Variants in ATCAY observed in about 807,000 individuals in gnomAD.
ATCAY encodes ATCAY kinesin light chain interacting caytaxin.
In ATCAY, 22 loss-of-function variants were observed where a neutral mutation model predicts 47.7. That is an observed-to-expected ratio of 0.46 (90% CI 0.33 to 0.66). ATCAY has a LOEUF of 0.66. Among genes scored for constraint, ATCAY ranks in the 30% least tolerant of loss-of-function variants. ATCAY has a pLI of 0.02. For missense variants in ATCAY, 452 were observed against 515.0 expected (o/e 0.88, Z 1.18); for synonymous variants, 216 against 207.6 (o/e 1.04, Z -0.35).
At chr19:3,913,630 C>T (rs557589125) in intron 8 of ATCAY, 128 bp from the exon 9 acceptor site, 6 of 670,320 alleles carry the variant, frequency 9.0e-6, no homozygotes, top group South Asian at 3.5e-5. Flanking sequence ...GAGGTGTCGT[C>T]GTCTGCACTG....
At position 3,907,089 on chromosome 19, in the gene ATCAY, G is replaced by A. The variant is rs1303010583; in HGVS notation, c.359-645G>A. 4.7e-5 allele frequency among the ~76,000 whole-genome samples: 7 copies of A among 148,824 alleles called. No homozygotes were observed. The highest frequency in any genetic ancestry group is 8.9e-5 in the Non-Finnish European group (6 of 67,590). ...GCAGAGGCTGCAGTGAGCAGAGATC[G>A]CACCACTCCACTCCAGCCTGGGCGA... On this transcript the variant is annotated intron_variant, in intron 4 of 12. Coordinates refer to ENST00000450849, the MANE Select transcript of ATCAY (RefSeq NM_033064.5). This position sits in a 1 kb window ranked among gnomAD's most constrained non-coding sequence, Gnocchi z 5.1.
At chr19:3,909,905 A>G (rs960562449) in intron 7 of ATCAY, among the ~76,000 whole-genome samples, 3 of 152,146 alleles carry the variant, frequency 2.0e-5, no homozygotes, top group Non-Finnish European at 4.4e-5. Flanking sequence ...GCCAACATAT[A>G]GTGAAACCCC....
chr19:3,885,133 A>C (rs964804221), intron 1 of ATCAY, among the ~76,000 whole-genome samples: 6 of 150,510 alleles, frequency 4.0e-5, no homozygotes, highest in South Asian at 2.1e-4. Flanking sequence ...AAAAAAAAAA[A>C]AACAGCCAAG....
chr19:3,915,846 C>T (rs756748026), intron 9 of ATCAY, among the ~76,000 whole-genome samples: 3 of 151,720 alleles, frequency 2.0e-5, no homozygotes, highest in East Asian at 1.9e-4. Context: ...TGAGCCACCA[C>T]GCCTGGCCGA....
intron 2 of ATCAY, among the ~76,000 whole-genome samples, chr19:3,888,075 C>CA (rs2038679133): frequency 6.6e-6 from 1 of 150,776 alleles, no homozygotes; most frequent in Non-Finnish European, 1.5e-5. Flanking sequence ...AGATGTGCCA[C>CA]CGCACTCCAG....
At chr19:3,898,186 T>G (rs966436070) in intron 2 of ATCAY, among the ~76,000 whole-genome samples, 1 of 151,998 alleles carries the variant, frequency 6.6e-6, no homozygotes, top group African/African-American at 2.4e-5. Flanking sequence ...CTTTTTTTTT[T>G]CTTTTCTTTT....
intron 9 of ATCAY, 48 bp downstream of exon 9, chr19:3,913,904 T>G: frequency 6.5e-7 from 1 of 1,541,328 alleles, no homozygotes; most frequent in Non-Finnish European, 9.0e-7. Flanking sequence ...GTTTTCGTGC[T>G]GCTGATAAAG....
rs1187652145 is a variant in ATCAY at position 3,894,995 on chromosome 19, C to G, written c.78-7492C>G. The G allele has an allele frequency of 2.3e-5, 9 of 383,940 alleles. No homozygotes were observed. The East Asian group carries it at 6.5e-4, about 28-fold the overall frequency. 23.8% of individuals were successfully genotyped at this position (383,940 alleles called of 1,614,324 possible). ...AAGCTGCCTCCTCAATGAGGCCTTC[C>G]CTGACCACCCCACAGATTTTTTTCT... On this transcript the variant is annotated intron_variant, in intron 2 of 12. Transcript: ENST00000450849.
intron 2 of ATCAY, chr19:3,893,735 C>T (rs978031503): frequency 6.6e-6 from 1 of 152,266 alleles, no homozygotes; most frequent in African/African-American, 2.4e-5. Flanking sequence ...TGGAGCCCTG[C>T]CAGGTCGGCT....
At chr19:3,901,823 C>T (rs577117438) in intron 2 of ATCAY, among the ~76,000 whole-genome samples, 9 of 152,070 alleles carry the variant, frequency 5.9e-5, no homozygotes, top group Non-Finnish European at 8.8e-5. Context: ...GGTGAAACCC[C>T]GTCTCTACTA....
intron 4 of ATCAY, 59 bp downstream of exon 4, chr19:3,905,714 C>T (rs2038854544): frequency 7.5e-6 from 11 of 1,461,618 alleles, no homozygotes; most frequent in African/African-American, 4.2e-5. Flanking sequence ...CCCACCTTTC[C>T]GTCTCTGGAT....
chr19:3,883,153 A>C (rs1214017219), intron 1 of ATCAY, among the ~76,000 whole-genome samples: 1 of 151,974 alleles, frequency 6.6e-6, no homozygotes, highest in Admixed American at 6.6e-5. Context: ...AGGCAGGTGG[A>C]TCATGAGGTC....
At chr19:3,914,636 G>GA (rs748491766) in intron 9 of ATCAY, among the ~76,000 whole-genome samples, 8 of 151,912 alleles carry the variant, frequency 5.3e-5, no homozygotes, top group Non-Finnish European at 1.2e-4. Flanking sequence ...GCCTGGCCAA[G>GA]ATGGTGAAAC....
chr19:3,891,386 C>T (rs1008885909), intron 2 of ATCAY, among the ~76,000 whole-genome samples: 1 of 151,998 alleles, frequency 6.6e-6, no homozygotes, highest in African/African-American at 2.4e-5. Flanking sequence ...CACCCTTCTG[C>T]AGCCTACTAC....
At chr19:3,916,767 C>T (rs2038969839) in intron 9 of ATCAY, among the ~76,000 whole-genome samples, 1 of 151,654 alleles carries the variant, frequency 6.6e-6, no homozygotes, top group African/African-American at 2.4e-5. Context: ...CGTGAGCCAT[C>T]GCACCCAGCC....
At chr19:3,901,064 G>A (rs1470698315) in intron 2 of ATCAY, among the ~76,000 whole-genome samples, 3 of 151,672 alleles carry the variant, frequency 2.0e-5, no homozygotes, top group Non-Finnish European at 4.4e-5. Flanking sequence ...ACCACGCCCC[G>A]CTATTTTTTT....
intron 2 of ATCAY, among the ~76,000 whole-genome samples, chr19:3,896,018 A>AT (rs1432987514): frequency 6.6e-6 from 1 of 151,824 alleles, no homozygotes; most frequent in African/African-American, 2.4e-5. Context: ...TGCTGGGCTA[A>AT]TTTTTAAATT....
At chr19:3,901,494 A>AATTTG (rs1223746123) in intron 2 of ATCAY, among the ~76,000 whole-genome samples, 2 of 152,078 alleles carry the variant, frequency 1.3e-5, no homozygotes, top group African/African-American at 4.8e-5. Flanking sequence ...AGAGTCAACA[A>AATTTG]CTCATCAGAG....
At chr19:3,909,676 G>A (rs947128502) in intron 7 of ATCAY, 59 bp downstream of exon 7, 14 of 1,542,520 alleles carry the variant, frequency 9.1e-6, no homozygotes, top group Non-Finnish European at 1.2e-5. Context: ...CAGGGGGCTG[G>A]ACATGGTGGC....
Sources: gnomAD v4.1 joint callset for allele counts (sites outside exome capture counted in the v4.1 genomes callset) on GRCh38, gnomAD v4.1.1 for gene constraint, Gnocchi (gnomAD v3.1) non-coding constraint, MANE v1.5 for transcripts, NCBI Gene and HGNC (gene_info 2026-07-23, HGNC 2026-07-21) for gene names.